Variants in ASTN2 observed in about 807,000 individuals in gnomAD.
ASTN2 encodes astrotactin-2.
Under a neutral mutation model 139.8 loss-of-function variants are expected in ASTN2, and 54 were observed. That is an observed-to-expected ratio of 0.39 (90% CI 0.31 to 0.48). The LOEUF (loss-of-function observed/expected upper bound fraction) is 0.48, where lower values mean the gene tolerates loss of function less well. ASTN2 is among the 20% of genes least tolerant of loss of function. The probability of loss-of-function intolerance (pLI) is 0.95; values close to 1 mark genes in which losing one functional copy is unlikely to be tolerated. For synonymous variants in ASTN2, 756 were observed against 719.5 expected, an observed-to-expected ratio of 1.05 and a Z score of -0.81; for missense variants, 1,565 against 1,725.1, an observed-to-expected ratio of 0.91 and a Z score of 1.64.
chr9:116,450,938 G>A (rs1479336690), intron 20 of ASTN2, among the ~76,000 whole-genome samples: 1 of 152,200 alleles, frequency 6.6e-6, no homozygotes, highest in Non-Finnish European at 1.5e-5. Context: ...CTCAGTCTGA[G>A]GCATGATTAG....
chr9:116,914,415 C>T (rs1333945209), intron 10 of ASTN2, among the ~76,000 whole-genome samples: 1 of 151,962 alleles, frequency 6.6e-6, no homozygotes, highest in Non-Finnish European at 1.5e-5. Context: ...GTCTTTTGGT[C>T]ATGTAAGTCA....
chr9:116,470,452 TTG>T (rs1293967097), intron 20 of ASTN2, among the ~76,000 whole-genome samples: 1 of 152,164 alleles, frequency 6.6e-6, no homozygotes, highest in Admixed American at 6.6e-5. Context: ...TGCTACTGAC[TTG>T]TGGCATGGCT....
intron 10 of ASTN2, among the ~76,000 whole-genome samples, chr9:116,929,847 C>A (rs576742950): frequency 6.6e-6 from 1 of 152,156 alleles, no homozygotes; most frequent in Non-Finnish European, 1.5e-5. Context: ...ATGGAGGCAT[C>A]GGGCAAATTA....
intron 7 of ASTN2, among the ~76,000 whole-genome samples, chr9:116,992,506 C>T (rs73517415): frequency 0.029 from 4,366 of 152,260 alleles, 213 homozygotes; most frequent in African/African-American, 0.1. Context: ...AAATGAGTGC[C>T]TCCTTGAAGT....
chr9:116,640,122 G>A (rs929927431), intron 17 of ASTN2, among the ~76,000 whole-genome samples: 1 of 152,032 alleles, frequency 6.6e-6, no homozygotes, highest in Admixed American at 6.6e-5. Context: ...ATGCTTAGGT[G>A]TCACTGAGCA....
chr9:116,473,703 G>A (rs553487749), intron 20 of ASTN2, among the ~76,000 whole-genome samples: 3 of 152,148 alleles, frequency 2.0e-5, no homozygotes, highest in Non-Finnish European at 4.4e-5. Flanking sequence ...TTCGAGACCA[G>A]CCCAGCTGGG....
At chr9:117,178,940 C>T (rs1830986490) in intron 3 of ASTN2, among the ~76,000 whole-genome samples, 1 of 152,346 alleles carries the variant, frequency 6.6e-6, no homozygotes, top group East Asian at 1.9e-4. Flanking sequence ...CTCCCTCCAG[C>T]CCTCTCATAG....
chr9:116,819,367 G>C (rs1424786958), intron 12 of ASTN2, among the ~76,000 whole-genome samples: 11 of 152,134 alleles, frequency 7.2e-5, no homozygotes, highest in African/African-American at 2.7e-4. Context: ...ATTCAGGTCT[G>C]CATACCCTAA....
Position 116,424,421 on chromosome 9 carries a change from T to A in ASTN2, c.*1430A>T, listed in dbSNP as rs1360604579. Reference sequence around the variant, plus strand: ...TAGTCATGGATGCTTCAAGGCAGCATCAAGCTTCTTGCCCAAAGCTTCCAA... The same window carrying A: ...TAGTCATGGATGCTTCAAGGCAGCAACAAGCTTCTTGCCCAAAGCTTCCAA... On this transcript the variant is annotated 3_prime_UTR_variant, in exon 23 of 23. Transcript: ENST00000313400. Among the ~76,000 whole-genome samples the A allele has an allele frequency of 6.6e-6, 1 of 152,020 alleles. No homozygotes were observed. Among genetic ancestry groups the A allele is most frequent in the African/African-American group, 2.4e-5 (1 of 41,300 alleles).
chr9:117,410,536 T>G (rs1347535522), intron 1 of ASTN2, among the ~76,000 whole-genome samples: 1 of 152,236 alleles, frequency 6.6e-6, no homozygotes, highest in African/African-American at 2.4e-5. Context: ...CCACTCATAT[T>G]GCAGCAGAAA....
chr9:116,478,708 C>A (rs1849071374), intron 20 of ASTN2, among the ~76,000 whole-genome samples: 1 of 152,100 alleles, frequency 6.6e-6, no homozygotes, highest in Non-Finnish European at 1.5e-5. Flanking sequence ...AAATGCACAG[C>A]CTCAGGCTGG....
intron 10 of ASTN2, among the ~76,000 whole-genome samples, chr9:116,916,665 A>T (rs550856197): frequency 7.2e-5 from 11 of 151,810 alleles, no homozygotes; most frequent in Non-Finnish European, 1.5e-4. Flanking sequence ...ACAAAGTGAG[A>T]CCCGTCTCTA....
chr9:116,856,548 G>A (rs1246332047), intron 11 of ASTN2, among the ~76,000 whole-genome samples: 1 of 152,176 alleles, frequency 6.6e-6, no homozygotes, highest in Non-Finnish European at 1.5e-5. Context: ...ATGGAGAAAA[G>A]CCGGTCTCTC....
At chr9:116,437,592 C>T (rs1011092720) in intron 22 of ASTN2, 3 of 470,730 alleles carry the variant, frequency 6.4e-6, no homozygotes, top group Non-Finnish European at 1.3e-5. Flanking sequence ...TTCCAGGAGG[C>T]TGTAAAGACA....
At chr9:116,632,738 A>C (rs968824661) in intron 17 of ASTN2, among the ~76,000 whole-genome samples, 2 of 152,192 alleles carry the variant, frequency 1.3e-5, no homozygotes, top group African/African-American at 4.8e-5. Context: ...GACCCACTGC[A>C]ACTTCAGTCT....
chr9:116,569,220 C>T (rs1853387187), intron 19 of ASTN2, among the ~76,000 whole-genome samples: 1 of 152,218 alleles, frequency 6.6e-6, no homozygotes, highest in Non-Finnish European at 1.5e-5. Flanking sequence ...AATGGTGTCA[C>T]TGGCTAGCCG....
chr9:116,622,225 G>C (rs1856195442), intron 17 of ASTN2, among the ~76,000 whole-genome samples: 1 of 152,150 alleles, frequency 6.6e-6, no homozygotes, highest in African/African-American at 2.4e-5. Flanking sequence ...TCTAGAAGGA[G>C]ACAGTGTCTA....
chr9:117,021,076 T>A (rs978521863), intron 6 of ASTN2, among the ~76,000 whole-genome samples: 6 of 152,078 alleles, frequency 3.9e-5, no homozygotes, highest in Admixed American at 3.9e-4. Context: ...CCTGGCTAAC[T>A]TTTAAATTTT....
chr9:117,012,443 A>G (rs1033054890), intron 6 of ASTN2, among the ~76,000 whole-genome samples: 1 of 152,192 alleles, frequency 6.6e-6, no homozygotes, highest in African/African-American at 2.4e-5. Flanking sequence ...CATTTACCCA[A>G]CGTTGATTAA....
Sources: allele counts gnomAD v4.1 joint callset (sites outside exome capture counted in the v4.1 genomes callset), GRCh38; gene constraint gnomAD v4.1.1; transcripts MANE v1.5; gene names NCBI Gene and HGNC (gene_info 2026-07-23, HGNC 2026-07-21).